ABLIM1: variants seen among roughly 807,000 people sequenced by gnomAD.
ABLIM1 encodes actin binding LIM protein 1.
Under a neutral mutation model 107.0 loss-of-function variants are expected in ABLIM1, and 40 were observed. That is an observed-to-expected ratio of 0.37 (90% CI 0.29 to 0.49). The LOEUF (loss-of-function observed/expected upper bound fraction) is 0.49, where lower values mean the gene tolerates loss of function less well. Among genes scored for constraint, ABLIM1 ranks in the 20% least tolerant of loss-of-function variants. The pLI, the probability that ABLIM1 is intolerant of heterozygous loss-of-function variation, is 0.97. For missense variants in ABLIM1, 857 were observed against 1,008.5 expected, an observed-to-expected ratio of 0.85 and a Z score of 2.04; for synonymous variants, 357 against 357.3, an observed-to-expected ratio of 1.00 and a Z score of 0.01.
chr10:114,603,811 G>T (rs2076213903), intron 1 of ABLIM1, among the ~76,000 whole-genome samples: 1 of 151,912 alleles, frequency 6.6e-6, no homozygotes, highest in Admixed American at 6.6e-5. Context: ...AAATTAGCCT[G>T]GCGTGGTGGC....
At position 114,684,488 on chromosome 10, in the gene ABLIM1, GGGGTGTGCCACCGGT is replaced by G. The variant is rs1222386805; in HGVS notation, c.-150_-136del. On this transcript the variant is annotated 5_prime_UTR_variant, in exon 1 of 24. Transcript: ENST00000369256. ...TGTGGGCTGAACTGGACCCGAGGGA[GGGGTGTGCCACCGGT>G]GGGTGTGCCACAGCCAGCGCAGGAA... The G allele has an allele frequency of 7.6e-6, 11 of 1,446,238 alleles. No individual in the cohort carries two copies. The East Asian group carries it at 2.4e-4, about 32-fold the overall frequency. 89.6% of individuals were successfully genotyped at this position (1,446,238 alleles called of 1,614,324 possible).
intron 8 of ABLIM1, among the ~76,000 whole-genome samples, chr10:114,474,314 T>C (rs1382916499): frequency 6.6e-6 from 1 of 151,932 alleles, no homozygotes; most frequent in African/African-American, 2.4e-5. Flanking sequence ...ATGGCCTCCC[T>C]GTGAGTTTTC....
rs530635226 is a variant in ABLIM1, at chr10:114,690,317, G to A, written c.-213+77744C>T. 1.2e-4 allele frequency: 189 copies of A among 1,597,280 alleles called. 1 individual carries two copies. Among genetic ancestry groups the A allele is most frequent in the African/African-American group, 7.0e-4 (52 of 74,596 alleles). ...CAGTGCAGATGAAAAACTGGGAACC[G>A]TTTGTGTTGGGTCCAGCATTTGCCA... On this transcript the variant is annotated intron_variant, in intron 1 of 15. Transcript: ENST00000651092.
intron 1 of ABLIM1, among the ~76,000 whole-genome samples, chr10:114,739,787 C>T (rs1422101894): frequency 6.6e-6 from 1 of 152,048 alleles, no homozygotes; most frequent in African/African-American, 2.4e-5. Context: ...TGGTTAAATG[C>T]CAACTTGACT....
intron 1 of ABLIM1, among the ~76,000 whole-genome samples, chr10:114,633,863 C>T (rs770858337): frequency 2.0e-5 from 3 of 152,096 alleles, no homozygotes; most frequent in Admixed American, 6.6e-5. Flanking sequence ...TGTTGTGAGC[C>T]TAGCAGGTGA....
chr10:114,485,190 C>A, intron 8 of ABLIM1: 1 of 779,082 alleles, frequency 1.3e-6, no homozygotes, highest in Non-Finnish European at 1.9e-6. Flanking sequence ...CATCTGCTTT[C>A]TGCAGGAGCC....
chr10:114,525,269 A>G (rs2064497891), intron 6 of ABLIM1, among the ~76,000 whole-genome samples: 2 of 152,230 alleles, frequency 1.3e-5, no homozygotes, highest in Admixed American at 1.3e-4. Flanking sequence ...ATCCCTCCAG[A>G]AAGTCAGGTT....
At chr10:114,577,012 C>T in intron 2 of ABLIM1, among the ~76,000 whole-genome samples, 1 of 152,178 alleles carries the variant, frequency 6.6e-6, no homozygotes, top group East Asian at 1.9e-4. Context: ...TCCTGTGGGT[C>T]AGGGGAACCC....
intron 8 of ABLIM1, among the ~76,000 whole-genome samples, chr10:114,483,279 G>GT (rs561486085): frequency 6.9e-4 from 104 of 151,096 alleles, no homozygotes; most frequent in South Asian, 4.4e-3. Flanking sequence ...TCCATTTTTG[G>GT]TTTTTTTTTG....
intron 6 of ABLIM1, among the ~76,000 whole-genome samples, chr10:114,518,428 C>T (rs1482263139): frequency 6.6e-5 from 10 of 151,644 alleles, no homozygotes; most frequent in East Asian, 2.0e-4. Flanking sequence ...TTGTGGACTA[C>T]GCTGTCTCTG....
At chr10:114,506,618 G>A (rs2061185140) in intron 6 of ABLIM1, among the ~76,000 whole-genome samples, 1 of 152,162 alleles carries the variant, frequency 6.6e-6, no homozygotes, top group African/African-American at 2.4e-5. Flanking sequence ...TAGTGATGAT[G>A]AGCATTTTTT....
chr10:114,587,901 T>G (rs1396896649), intron 2 of ABLIM1, among the ~76,000 whole-genome samples: 1 of 152,152 alleles, frequency 6.6e-6, no homozygotes, highest in Non-Finnish European at 1.5e-5. Context: ...CAGCTATGCT[T>G]CCACAAGTAA....
At chr10:114,636,015 C>T (rs916598054) in intron 1 of ABLIM1, among the ~76,000 whole-genome samples, 1 of 152,162 alleles carries the variant, frequency 6.6e-6, no homozygotes, top group Non-Finnish European at 1.5e-5. Context: ...AAGAGAGAAA[C>T]CACTGCCCAG....
chr10:114,719,255 C>A (rs1292358339), intron 1 of ABLIM1, among the ~76,000 whole-genome samples: 1 of 152,134 alleles, frequency 6.6e-6, no homozygotes, highest in Non-Finnish European at 1.5e-5. Flanking sequence ...GTGAAATAAG[C>A]ATTTTTTGAC....
At chr10:114,727,317 T>G (rs1026231614) in intron 1 of ABLIM1, among the ~76,000 whole-genome samples, 1 of 152,362 alleles carries the variant, frequency 6.6e-6, no homozygotes, top group Admixed American at 6.5e-5. Context: ...TGTTTGTGTC[T>G]TGATACAATA....
chr10:114,499,845 T>C (rs2060157404), intron 6 of ABLIM1, among the ~76,000 whole-genome samples: 3 of 152,222 alleles, frequency 2.0e-5, no homozygotes, highest in Non-Finnish European at 4.4e-5. Context: ...GTGCAGAGGC[T>C]GACTCAGCTT....
At chr10:114,623,744 C>A (rs2077614214) in intron 1 of ABLIM1, among the ~76,000 whole-genome samples, 1 of 152,190 alleles carries the variant, frequency 6.6e-6, no homozygotes, top group African/African-American at 2.4e-5. Context: ...ACAAGCCTTC[C>A]AGATGATTCT....
intron 1 of ABLIM1, among the ~76,000 whole-genome samples, chr10:114,737,686 T>C (rs1049085811): frequency 2.6e-5 from 4 of 152,226 alleles, no homozygotes; most frequent in Admixed American, 2.0e-4. Flanking sequence ...GAACAGAGCA[T>C]GTTCAAAGCT....
At position 114,629,160 on chromosome 10, in the gene ABLIM1, C is replaced by T. The variant is rs2078008354; in HGVS notation, c.245-27199G>A. Among the ~76,000 whole-genome samples, 1 of 152,204 alleles carries T rather than the reference C, an allele frequency of 6.6e-6. No homozygotes were observed. On this transcript the variant is annotated intron_variant, in intron 1 of 22. Coordinates refer to ENST00000533213, the MANE Select transcript of ABLIM1 (RefSeq NM_002313.7). This position sits in a 1 kb window ranked among gnomAD's most constrained non-coding sequence, Gnocchi z 4.0. ...GCCACTCCACACTAGTGGAGGCAAC[C>T]AGCCAGCGTGCTTTCTCTCCTGCCC...
Sources: allele counts gnomAD v4.1 joint callset (sites outside exome capture counted in the v4.1 genomes callset), GRCh38; gene constraint gnomAD v4.1.1; non-coding constraint Gnocchi (gnomAD v3.1); transcripts MANE v1.5; gene names NCBI Gene and HGNC (gene_info 2026-07-23, HGNC 2026-07-21).